Variants in TENM3 observed in about 807,000 individuals in gnomAD.
The protein encoded by TENM3 is teneurin-3.
TENM3 carries 63 observed loss-of-function variants against 255.1 expected under a neutral mutation model. The observed-to-expected ratio is 0.25, with a 90% confidence interval of 0.20 to 0.30. The LOEUF (loss-of-function observed/expected upper bound fraction) is 0.30, where lower values mean the gene tolerates loss of function less well. Among genes scored for constraint, TENM3 ranks in the 10% least tolerant of loss-of-function variants. TENM3 has a pLI of 1.00. For synonymous variants in TENM3, 1,306 were observed against 1,322.3 expected, an observed-to-expected ratio of 0.99 and a Z score of 0.27; for missense variants, 2,929 against 3,461.1, an observed-to-expected ratio of 0.85 and a Z score of 3.86.
At chr4:182,693,531 G>T (rs915309700) in intron 12 of TENM3, among the ~76,000 whole-genome samples, 4 of 152,008 alleles carry the variant, frequency 2.6e-5, no homozygotes. Flanking sequence ...TAGAGATGGG[G>T]TTTCACCGCG....
the TENM3 span, among the ~76,000 whole-genome samples, chr4:181,827,396 G>A: frequency 3.3e-5 from 5 of 152,160 alleles, no homozygotes; most frequent in Admixed American, 6.5e-5. Flanking sequence ...GCAAACAGTC[G>A]TGAGCAGTCG....
the TENM3 span, among the ~76,000 whole-genome samples, chr4:182,124,046 T>C: frequency 6.6e-6 from 1 of 152,258 alleles, no homozygotes; most frequent in Admixed American, 6.5e-5. Flanking sequence ...TGTTTATTTA[T>C]TTATTTACTT....
chr4:181,803,514 C>T, the TENM3 span, among the ~76,000 whole-genome samples: 1 of 152,156 alleles, frequency 6.6e-6, no homozygotes, highest in South Asian at 2.1e-4. Context: ...TTAAGGAGCT[C>T]AACATACTAT....
the TENM3 span, among the ~76,000 whole-genome samples, chr4:181,981,931 A>G: frequency 6.6e-6 from 1 of 151,990 alleles, no homozygotes; most frequent in African/African-American, 2.4e-5. Flanking sequence ...TGGTGATCAG[A>G]CTCCTATTTA....
intron 12 of TENM3, 71 bp downstream of exon 12, chr4:182,688,422 A>G (rs1756761388): frequency 1.6e-6 from 2 of 1,249,078 alleles, no homozygotes; most frequent in Non-Finnish European, 2.1e-6. Context: ...GCTGTTTTCA[A>G]CTTGGAAAAA....
chr4:182,425,921 T>A (rs1473449635), intron 3 of TENM3, among the ~76,000 whole-genome samples: 1 of 145,590 alleles, frequency 6.9e-6, no homozygotes, highest in Non-Finnish European at 1.5e-5. Context: ...GGCAGGAGAA[T>A]CACTTGAACC....
chr4:181,733,103 G>A, the TENM3 span, among the ~76,000 whole-genome samples: 151 of 152,224 alleles, frequency 9.9e-4, 1 homozygote, highest in African/African-American at 3.5e-3. Flanking sequence ...TTGCGTTTTT[G>A]TCTTTGGACC....
the TENM3 span, among the ~76,000 whole-genome samples, chr4:181,768,986 T>C: frequency 5.3e-5 from 8 of 152,220 alleles, no homozygotes; most frequent in East Asian, 1.9e-4. Flanking sequence ...ATGACCTTCA[T>C]TGAAACTTAG....
chr4:181,559,397 T>A, the TENM3 span, among the ~76,000 whole-genome samples: 1 of 152,174 alleles, frequency 6.6e-6, no homozygotes, highest in Non-Finnish European at 1.5e-5. Flanking sequence ...TCTATGAGAT[T>A]TTACATAGGC....
chr4:182,246,065 G>A (rs1450772228), intron 1 of TENM3, among the ~76,000 whole-genome samples: 1 of 152,136 alleles, frequency 6.6e-6, no homozygotes, highest in Non-Finnish European at 1.5e-5. Context: ...TGTCTCTTAT[G>A]TTGAACAAAC....
the TENM3 span, among the ~76,000 whole-genome samples, chr4:181,630,434 G>A: frequency 6.6e-6 from 1 of 152,068 alleles, no homozygotes; most frequent in Non-Finnish European, 1.5e-5. Flanking sequence ...TGATGTTAGG[G>A]TGTCGATTTT....
At chr4:182,746,846 T>C (rs576147719) in intron 19 of TENM3, among the ~76,000 whole-genome samples, 2 of 152,300 alleles carry the variant, frequency 1.3e-5, no homozygotes, top group East Asian at 3.9e-4. Flanking sequence ...GTAAGGTCTT[T>C]GAGCCCAAAT....
At chr4:182,006,913 T>C in the TENM3 span, among the ~76,000 whole-genome samples, 1 of 152,202 alleles carries the variant, frequency 6.6e-6, no homozygotes, top group South Asian at 2.1e-4. Flanking sequence ...GTCCCAGAGA[T>C]TCTAGTACGT....
At position 182,533,610 on chromosome 4, in the gene TENM3, T is replaced by C. The variant is rs762108649; in HGVS notation, c.512-67314T>C. Among the ~76,000 whole-genome samples, 58 of 152,072 alleles carry C rather than the reference T, an allele frequency of 3.8e-4. 1 individual carries two copies. The highest frequency in any genetic ancestry group is 7.4e-5 in the Non-Finnish European group (5 of 68,006). On this transcript the variant is annotated intron_variant, in intron 3 of 27. Transcript: ENST00000511685. ...ACCTGGGAAAATTGTTGTTACTCTC[T>C]TGGAAAGAATATTCGACTCCTGAAG...
intron 1 of TENM3, among the ~76,000 whole-genome samples, chr4:182,158,065 A>T (rs1209698655): frequency 5.3e-5 from 8 of 152,200 alleles, no homozygotes; most frequent in Admixed American, 5.2e-4. Flanking sequence ...AACAATGTTG[A>T]CATAGCCTCA....
At chr4:182,393,695 T>C (rs1768600662) in intron 3 of TENM3, among the ~76,000 whole-genome samples, 1 of 152,174 alleles carries the variant, frequency 6.6e-6, no homozygotes. Context: ...TTAAATACCA[T>C]CTAATATCCT....
At chr4:181,776,303 T>G in the TENM3 span, among the ~76,000 whole-genome samples, 11 of 152,148 alleles carry the variant, frequency 7.2e-5, no homozygotes, top group African/African-American at 1.4e-4. Flanking sequence ...ATACACAAAT[T>G]TTCTTTATTC....
chr4:182,260,495 G>A (rs1758709556), intron 1 of TENM3, among the ~76,000 whole-genome samples: 1 of 152,138 alleles, frequency 6.6e-6, no homozygotes, highest in Non-Finnish European at 1.5e-5. Context: ...ATAACCTACT[G>A]TAGTAAATTT....
chr4:182,378,704 T>G (rs1767356049), intron 3 of TENM3, among the ~76,000 whole-genome samples: 2 of 152,090 alleles, frequency 1.3e-5, no homozygotes, highest in Admixed American at 1.3e-4. Flanking sequence ...GAAAGTCGGG[T>G]TTTGCAGAGT....
Sources: allele counts gnomAD v4.1 joint callset (sites outside exome capture counted in the v4.1 genomes callset), GRCh38; gene constraint gnomAD v4.1.1; transcripts MANE v1.5; gene names NCBI Gene and HGNC (gene_info 2026-07-23, HGNC 2026-07-21).